The following PDE3A variants were observed in gnomAD, a reference collection of about 807,000 sequenced individuals.
The protein encoded by PDE3A is cGMP-inhibited 3',5'-cyclic phosphodiesterase 3A.
A neutral mutation model predicts 98.3 loss-of-function variants in PDE3A; 43 were observed. That is an observed-to-expected ratio of 0.44 (90% CI 0.34 to 0.56). The LOEUF is 0.56. PDE3A is among the 20% of genes least tolerant of loss of function. The pLI, the probability that PDE3A is intolerant of heterozygous loss-of-function variation, is 0.01. For synonymous variants in PDE3A, 663 were observed against 567.9 expected (o/e 1.17, Z -2.38); for missense variants, 1,427 against 1,440.7 (o/e 0.99, Z 0.15).
Position 20,646,481 on chromosome 12 carries a change from T to C in PDE3A, c.2252-9T>C, listed in dbSNP as rs1944780264. ...TAAACTGATGACTGTTCCTGTTCAC[T>C]GGTTACAGATCATAACAGAATCCAT... is the stretch of plus-strand genomic sequence containing the variant. On this transcript the variant is annotated splice_polypyrimidine_tract_variant and intron_variant, in intron 10 of 15. Transcript: ENST00000359062. 6.9e-7 allele frequency: 1 copy of C among 1,449,298 alleles called. No homozygotes were observed. Among genetic ancestry groups the C allele is most frequent in the Non-Finnish European group, 9.7e-7 (1 of 1,029,922 alleles). The allele number at this position is 1,449,298 out of a possible 1,614,324, so 89.8% of individuals were successfully genotyped here. A position where few individuals can be genotyped will look rare whatever the true frequency, so the allele number is the denominator to read the frequency against.
chr12:20,450,556 G>T (rs574737564), intron 1 of PDE3A, among the ~76,000 whole-genome samples: 2 of 152,196 alleles, frequency 1.3e-5, no homozygotes, highest in African/African-American at 4.8e-5. Flanking sequence ...AAAGAGATTC[G>T]TGGGATATTA....
At chr12:20,658,343 A>G (rs1945088255) in intron 15 of PDE3A, among the ~76,000 whole-genome samples, 1 of 152,142 alleles carries the variant, frequency 6.6e-6, no homozygotes, top group Non-Finnish European at 1.5e-5. Flanking sequence ...AGTGTTATTT[A>G]ATTCTCATTA....
intron 1 of PDE3A, among the ~76,000 whole-genome samples, chr12:20,488,678 C>A (rs1320452000): frequency 6.6e-6 from 1 of 151,874 alleles, no homozygotes; most frequent in African/African-American, 2.4e-5. Context: ...ACAACAACAA[C>A]AAAAACAAAA....
chr12:20,458,667 C>A (rs1185965888), intron 1 of PDE3A, among the ~76,000 whole-genome samples: 1 of 152,046 alleles, frequency 6.6e-6, no homozygotes, highest in African/African-American at 2.4e-5. Flanking sequence ...CAAAAGAAAG[C>A]CCCCCAGAGA....
intron 14 of PDE3A, among the ~76,000 whole-genome samples, chr12:20,652,387 AG>A (rs1031287394): frequency 4.9e-5 from 2 of 40,626 alleles, no homozygotes; most frequent in Non-Finnish European, 1.5e-4. Context: ...TCCCACCAAC[AG>A]TGTAAAAGTG....
At chr12:20,562,518 GC>G (rs1942553697) in intron 2 of PDE3A, among the ~76,000 whole-genome samples, 1 of 9,086 alleles carries the variant, frequency 1.1e-4, no homozygotes, top group Non-Finnish European at 4.1e-4. Context: ...GTGCCCAGCT[GC>G]TTTTTTTTTT....
intron 1 of PDE3A, among the ~76,000 whole-genome samples, chr12:20,504,430 G>T (rs1158985406): frequency 6.6e-6 from 1 of 152,046 alleles, no homozygotes; most frequent in East Asian, 1.9e-4. Context: ...CTTCTAAGAT[G>T]ACTGTATTAG....
chr12:20,669,030 G>T (rs1041920869), intron 15 of PDE3A, among the ~76,000 whole-genome samples: 8 of 151,446 alleles, frequency 5.3e-5, no homozygotes, highest in African/African-American at 1.2e-4. Context: ...GAAAACCAAG[G>T]CTCGAGAACT....
At chr12:20,561,555 TG>T (rs1942521624) in intron 2 of PDE3A, among the ~76,000 whole-genome samples, 1 of 152,152 alleles carries the variant, frequency 6.6e-6, no homozygotes, top group Non-Finnish European at 1.5e-5. Context: ...CATGGATATA[TG>T]TCAGGTACTT....
chr12:20,638,282 C>T (rs1420905969), intron 9 of PDE3A, among the ~76,000 whole-genome samples: 2 of 152,232 alleles, frequency 1.3e-5, no homozygotes, highest in East Asian at 1.9e-4. Flanking sequence ...GGCCTTTCTT[C>T]TAGTGTTTGA....
At chr12:20,614,523 C>A (rs1943952063) in intron 3 of PDE3A, among the ~76,000 whole-genome samples, 1 of 152,062 alleles carries the variant, frequency 6.6e-6, no homozygotes, top group East Asian at 1.9e-4. Flanking sequence ...ATCTTCATAA[C>A]TTTGTCAATA....
At chr12:20,615,016 C>CTTTTTTTTTTTTTTTTTT (rs11313010) in intron 3 of PDE3A, among the ~76,000 whole-genome samples, 4 of 59,120 alleles carry the variant, frequency 6.8e-5, no homozygotes, top group Non-Finnish European at 1.2e-4. Flanking sequence ...TTCTCTCTTT[C>CTTTTTTTTTTTTTTTTTT]TTTTTTTTTT....
At chr12:20,516,001 G>T (rs577425670) in intron 1 of PDE3A, among the ~76,000 whole-genome samples, 1 of 151,258 alleles carries the variant, frequency 6.6e-6, no homozygotes, top group South Asian at 2.1e-4. Context: ...CAAAGTGCTG[G>T]GATTACAGGC....
intron 9 of PDE3A, 90 bp downstream of exon 9, chr12:20,637,327 A>C (rs1236576331): frequency 1.1e-6 from 1 of 913,772 alleles, no homozygotes; most frequent in Non-Finnish European, 1.6e-6. Flanking sequence ...ACACTTGTGG[A>C]TAGGTGTTAT....
At chr12:20,476,602 G>A (rs1415021898) in intron 1 of PDE3A, among the ~76,000 whole-genome samples, 2 of 152,150 alleles carry the variant, frequency 1.3e-5, no homozygotes, top group Non-Finnish European at 2.9e-5. Flanking sequence ...CATACACCCT[G>A]TAAATCTACA....
Position 20,688,456 on chromosome 12 carries a change from G to T in PDE3A, c.*8185G>T, listed in dbSNP as rs1224663716. The stretch of plus-strand genomic sequence containing the variant: ...CCAGAATTACTGGAAGTGCCTCTTG[G>T]TTTTATATATATAATATATAAATAT... On this transcript the variant is annotated 3_prime_UTR_variant, in exon 16 of 16. Coordinates refer to ENST00000359062, the MANE Select transcript of PDE3A (RefSeq NM_000921.5). Among the ~76,000 whole-genome samples the T allele has an allele frequency of 6.6e-6, 1 of 150,876 alleles. No individual in the cohort carries two copies. The highest frequency in any genetic ancestry group is 1.5e-5 in the Non-Finnish European group (1 of 67,772).
chr12:20,464,521 CCTT>C (rs1565557651), intron 1 of PDE3A, among the ~76,000 whole-genome samples: 1 of 152,016 alleles, frequency 6.6e-6, no homozygotes, highest in African/African-American at 2.4e-5. Flanking sequence ...TGATGACTGT[CCTT>C]CTGTAGGCCC....
intron 5 of PDE3A, among the ~76,000 whole-genome samples, chr12:20,625,682 A>G (rs1944245584): frequency 6.6e-6 from 1 of 152,158 alleles, no homozygotes; most frequent in South Asian, 2.1e-4. Context: ...CACTTAAATA[A>G]TTCCCCTGTA....
At chr12:20,523,698 T>C (rs2121160301) in intron 1 of PDE3A, among the ~76,000 whole-genome samples, 1 of 152,318 alleles carries the variant, frequency 6.6e-6, no homozygotes, top group Non-Finnish European at 1.5e-5. Flanking sequence ...TTATAATTTC[T>C]TAACGGGTGT....
Sources: gnomAD v4.1 joint callset for allele counts (sites outside exome capture counted in the v4.1 genomes callset) on GRCh38, gnomAD v4.1.1 for gene constraint, MANE v1.5 for transcripts, NCBI Gene and HGNC (gene_info 2026-07-23, HGNC 2026-07-21) for gene names.